TASOR2: variants seen among roughly 807,000 people sequenced by gnomAD.
The protein encoded by TASOR2 is transcription activation suppressor family member 2.
In TASOR2, 84 loss-of-function variants were observed where a neutral mutation model predicts 199.5. The ratio of observed to expected loss-of-function variants is 0.42; its 90% CI spans 0.35 to 0.50. TASOR2 has a LOEUF of 0.50. Ranked by LOEUF, TASOR2 falls within the 20% of genes least tolerant of loss-of-function variation. The probability of loss-of-function intolerance (pLI) is 0.02; values close to 1 mark genes in which losing one functional copy is unlikely to be tolerated. For synonymous variants in TASOR2, 1,103 were observed against 1,046.6 expected (o/e 1.05, Z -1.04); for missense variants, 2,796 against 2,835.9 (o/e 0.99, Z 0.32).
At position 5,746,652 on chromosome 10, in the gene TASOR2, C is replaced by T. The variant is rs549545366; in HGVS notation, c.3231C>T (p.Thr1077=). 68 of 1,614,068 alleles carry T rather than the reference C, an allele frequency of 4.2e-5. 1 individual carries two copies. The South Asian group carries it at 7.4e-4, about 17-fold the overall frequency. Residue 1077 remains threonine (T), a synonymous_variant, in exon 15 of 21, where the codon ACC becomes ACT. Coordinates refer to ENST00000328090, the Ensembl canonical transcript of TASOR2. ...TAAATACTGCTGATGAACGTACAAC[C>T]TTTAAGAAGGAGTTGATTAAGCAAG...
intron 20 of TASOR2, 114 bp from the exon 22 acceptor site, chr10:5,762,915 C>A: frequency 1.0e-6 from 1 of 968,218 alleles, no homozygotes; most frequent in Non-Finnish European, 1.6e-6. Flanking sequence ...CAGTACAGAA[C>A]ATAATGTAAC....
chr10:5,721,180 G>C (rs909028145), intron 6 of TASOR2, among the ~76,000 whole-genome samples: 3 of 151,872 alleles, frequency 2.0e-5, no homozygotes, highest in African/African-American at 7.3e-5. Flanking sequence ...TGACCTCTTG[G>C]GATAAATTAA....
At chr10:5,734,218 CA>C (rs1232349417) in intron 11 of TASOR2, among the ~76,000 whole-genome samples, 1 of 152,220 alleles carries the variant, frequency 6.6e-6, no homozygotes, top group African/African-American at 2.4e-5. Flanking sequence ...GCATTATAAG[CA>C]GGTGTTTAGT....
chr10:5,712,895 C>T, exon 2 of TASOR2: 20 of 1,230,942 alleles, frequency 1.6e-5, no homozygotes, highest in Non-Finnish European at 2.0e-5. Context: ...TTACGGGTTT[C>T]TTCTGTTTGA....
At chr10:5,728,167 G>A (rs1358671991) in intron 10 of TASOR2, among the ~76,000 whole-genome samples, 4 of 149,990 alleles carry the variant, frequency 2.7e-5, no homozygotes, top group African/African-American at 7.4e-5. Context: ...GTTGCAGCGA[G>A]CCAAGACTGT....
intron 18 of TASOR2, 143 bp downstream of exon 19, chr10:5,759,135 A>G (rs1477673838): frequency 9.6e-6 from 6 of 624,942 alleles, no homozygotes; most frequent in African/African-American, 3.7e-5. Context: ...TCTGTATTCA[A>G]TGAAGGAAGC....
exon 3 of TASOR2, chr10:5,717,686 G>T (rs1832828438): frequency 8.2e-7 from 1 of 1,225,580 alleles, no homozygotes; most frequent in East Asian, 3.2e-5. Context: ...TACTCCGACT[G>T]TCTTCATTCA....
chr10:5,745,828 T>C (rs1385312779), intron 14 of TASOR2, among the ~76,000 whole-genome samples: 1 of 152,204 alleles, frequency 6.6e-6, no homozygotes. Flanking sequence ...TGAATGCTTT[T>C]TCTCTAGTGC....
intron 12 of TASOR2, 106 bp from the exon 14 acceptor site, chr10:5,739,512 C>G: frequency 9.4e-7 from 1 of 1,067,124 alleles, no homozygotes; most frequent in Non-Finnish European, 1.3e-6. Flanking sequence ...ATATATGTTA[C>G]ATAAGTTTTT....
rs368947448 is a variant in TASOR2, at chr10:5,740,050, C to T, written c.1880C>T (p.Pro627Leu). Reference sequence around the variant, plus strand: ...AGCTTGGTTCCTTGTAGTCAGGCCCCTGCTAAAGCCCAGTCAGCACTTACT... The same window carrying T: ...AGCTTGGTTCCTTGTAGTCAGGCCCTTGCTAAAGCCCAGTCAGCACTTACT... The change falls in exon 13 of 21, where the codon CCT becomes CTT. Residue 627 changes from proline to leucine, a missense_variant. Physicochemically the swap from Pro to Leu is moderately conservative, Grantham distance 98 (BLOSUM62 -3). Coordinates refer to ENST00000328090, the Ensembl canonical transcript of TASOR2. The surrounding 1 kb of genome is among the most constrained non-coding windows in gnomAD (Gnocchi z 5.3). 3 of 1,613,982 alleles carry T rather than the reference C, an allele frequency of 1.9e-6. No homozygotes were observed. The African/African-American group carries it at 4.0e-5, about 22-fold the overall frequency.
Position 5,730,980 on chromosome 10 carries a change from A to C in TASOR2, c.981A>C (p.Glu327Asp). ...AAACTGAAACAAAAAAGGATTCTGAAGAAATGTTGAAAGCAAAGAAGAGAG... is the reference window on the plus strand; with the variant it reads ...AAACTGAAACAAAAAAGGATTCTGACGAAATGTTGAAAGCAAAGAAGAGAG... Residue 327 changes from glutamate to aspartate, a missense_variant, in exon 11 of 21, where the codon GAA (glutamate) becomes GAC (aspartate). Transcript: ENST00000328090. This position sits in a 1 kb window ranked among gnomAD's most constrained non-coding sequence, Gnocchi z 4.1. 6.2e-7 allele frequency: 1 copy of C among 1,614,088 alleles called. No homozygotes were observed. The highest frequency in any genetic ancestry group is 8.5e-7 in the Non-Finnish European group (1 of 1,180,018).
At position 5,710,506 on chromosome 10, in the gene TASOR2, G is replaced by A. The variant is rs1015450998; in HGVS notation, c.-287-2317G>A. ...TTGGCTTTATTTATAGCTATATAGG[G>A]AACAGTATTCCCCACACTGGTGTTA... On this transcript the variant is annotated intron_variant, in intron 1 of 20. Coordinates refer to ENST00000328090, the Ensembl canonical transcript of TASOR2. The surrounding 1 kb of genome is among the most constrained non-coding windows in gnomAD (Gnocchi z 4.6). Among the ~76,000 whole-genome samples the A allele has an allele frequency of 3.3e-5, 5 of 151,964 alleles. No homozygotes were observed. The highest frequency in any genetic ancestry group is 1.2e-4 in the African/African-American group (5 of 41,402).
intron 11 of TASOR2, among the ~76,000 whole-genome samples, chr10:5,731,839 G>A (rs1156331002): frequency 6.6e-6 from 1 of 152,216 alleles, no homozygotes; most frequent in East Asian, 1.9e-4. Flanking sequence ...CACAAATGGA[G>A]GTAGAAAAGG....
chr10:5,744,324 A>C (rs1322150195), intron 14 of TASOR2, among the ~76,000 whole-genome samples: 1 of 114,310 alleles, frequency 8.7e-6, no homozygotes, highest in Admixed American at 8.3e-5. Flanking sequence ...TTTTGTTTTG[A>C]GAAGTCTCAC....
At chr10:5,693,283 A>G (rs145568232) in intron 1 of TASOR2, among the ~76,000 whole-genome samples, 131 of 152,260 alleles carry the variant, frequency 8.6e-4, no homozygotes, top group African/African-American at 3.1e-3. Context: ...ATGTAAACCT[A>G]CAATAGCTAA....
chr10:5,753,015 G>GT (rs199867537), intron 15 of TASOR2, among the ~76,000 whole-genome samples: 294 of 151,370 alleles, frequency 1.9e-3, no homozygotes, highest in African/African-American at 5.1e-3. Context: ...GTTTTTAAAG[G>GT]TTTTTTTTTC....
Position 5,742,058 on chromosome 10 carries a change from T to A in TASOR2, c.2328-39T>A. 3 of 1,580,618 alleles carry A rather than the reference T, an allele frequency of 1.9e-6. No individual in the cohort carries two copies. The South Asian group carries it at 3.5e-5, about 18-fold the overall frequency. On this transcript the variant is annotated intron_variant, in intron 13 of 20. Coordinates refer to ENST00000328090, the Ensembl canonical transcript of TASOR2. This position sits in a 1 kb window ranked among gnomAD's most constrained non-coding sequence, Gnocchi z 4.2. ...TAAGGTAATCAACTAAAATAACCATTTTCAATGATTTTCATGTGTTCTTTC... is the reference window on the plus strand; with the variant it reads ...TAAGGTAATCAACTAAAATAACCATATTCAATGATTTTCATGTGTTCTTTC...
In TASOR2 at chr10:5,752,062, C is replaced by CTCCCTGACCTCCT. The variant is rs1838124133; in HGVS notation, c.6606+2035_6606+2036insTCCCTGACCTCCT. Among the ~76,000 whole-genome samples, 1 of 151,752 alleles carries CTCCCTGACCTCCT rather than the reference C, an allele frequency of 6.6e-6. No individual in the cohort carries two copies. The highest frequency in any genetic ancestry group is 2.4e-5 in the African/African-American group (1 of 41,270). On this transcript the variant is annotated intron_variant, in intron 15 of 20. Transcript: ENST00000328090. This position sits in a 1 kb window ranked among gnomAD's most constrained non-coding sequence, Gnocchi z 4.4. ...CACTGAGGCACTAATCCTGACCTCC[C>CTCCCTGACCTCCT]GAAACTCCCTGACCTGAGCGCGGGC...
intron 14 of TASOR2, 67 bp from the exon 16 acceptor site, chr10:5,746,112 A>T: frequency 6.9e-7 from 1 of 1,448,674 alleles, no homozygotes; most frequent in Non-Finnish European, 9.2e-7. Flanking sequence ...CTTCACATGT[A>T]CATATAATCG....
Sources: allele counts gnomAD v4.1 joint callset (sites outside exome capture counted in the v4.1 genomes callset), GRCh38; gene constraint gnomAD v4.1.1; non-coding constraint Gnocchi (gnomAD v3.1); transcripts MANE v1.5; gene names NCBI Gene and HGNC (gene_info 2026-07-23, HGNC 2026-07-21).